PIK3AP1: variants seen among roughly 807,000 people sequenced by gnomAD.
PIK3AP1 encodes phosphoinositide-3-kinase adaptor protein 1, also known as phosphoinositide 3-kinase adapter protein 1.
PIK3AP1 carries 21 observed loss-of-function variants against 88.1 expected under a neutral mutation model. The ratio of observed to expected loss-of-function variants is 0.24; its 90% CI spans 0.17 to 0.34. PIK3AP1 has a LOEUF of 0.34. Among genes scored for constraint, PIK3AP1 ranks in the 10% least tolerant of loss-of-function variants. The pLI is 1.00. For missense variants in PIK3AP1, 828 were observed against 1,035.7 expected (o/e 0.80, Z 2.75); for synonymous variants, 398 against 400.0 (o/e 1.00, Z 0.06).
intron 2 of PIK3AP1, among the ~76,000 whole-genome samples, chr10:96,676,237 C>T (rs1481720798): frequency 2.0e-5 from 3 of 151,924 alleles, no homozygotes; most frequent in African/African-American, 7.3e-5. Flanking sequence ...AGAGACAAGA[C>T]TCTGCTATGC....
chr10:96,666,583 A>G (rs896849611), intron 2 of PIK3AP1, among the ~76,000 whole-genome samples: 1 of 152,058 alleles, frequency 6.6e-6, no homozygotes, highest in Non-Finnish European at 1.5e-5. Context: ...TGTAATAAAT[A>G]TATGTATGCA....
intron 2 of PIK3AP1, among the ~76,000 whole-genome samples, chr10:96,702,419 A>G (rs1844309093): frequency 6.6e-6 from 1 of 151,770 alleles, no homozygotes; most frequent in Non-Finnish European, 1.5e-5. Flanking sequence ...GAATCGCTTG[A>G]ACCGTGGAGG....
intron 2 of PIK3AP1, among the ~76,000 whole-genome samples, chr10:96,708,126 G>A (rs1364598604): frequency 6.6e-6 from 1 of 152,130 alleles, no homozygotes; most frequent in Non-Finnish European, 1.5e-5. Context: ...ACAAATTAAT[G>A]CCCAAGTCAC....
chr10:96,629,909 CAAAAAAAAAAA>C (rs66669261), intron 8 of PIK3AP1, among the ~76,000 whole-genome samples: 7 of 5,414 alleles, frequency 1.3e-3, no homozygotes, highest in Admixed American at 6.9e-3. Context: ...CAACAACAAC[CAAAAAAAAAAA>C]AAAAAAAAAA....
chr10:96,603,351 A>G (rs1848936934), intron 15 of PIK3AP1, among the ~76,000 whole-genome samples: 1 of 152,200 alleles, frequency 6.6e-6, no homozygotes, highest in Non-Finnish European at 1.5e-5. Context: ...CAAAGTATTG[A>G]TCCTGGGTGT....
At chr10:96,672,569 C>CT (rs36098365) in intron 2 of PIK3AP1, among the ~76,000 whole-genome samples, 5 of 152,162 alleles carry the variant, frequency 3.3e-5, no homozygotes, top group African/African-American at 7.2e-5. Flanking sequence ...CTTGTTGCTG[C>CT]TTTTTTTAAA....
chr10:96,644,532 G>A (rs778088238), intron 8 of PIK3AP1, among the ~76,000 whole-genome samples: 2 of 152,142 alleles, frequency 1.3e-5, no homozygotes, highest in Non-Finnish European at 2.9e-5. Context: ...TTTGTTTTGA[G>A]TTTAGGTGTT....
At chr10:96,677,881 G>C (rs1008404443) in intron 2 of PIK3AP1, among the ~76,000 whole-genome samples, 1 of 152,138 alleles carries the variant, frequency 6.6e-6, no homozygotes, top group Non-Finnish European at 1.5e-5. Context: ...TTTTTGCAAA[G>C]GTCTTGCCAG....
chr10:96,682,011 TATAGAGAGAGAGAG>T (rs1409346928), intron 2 of PIK3AP1, among the ~76,000 whole-genome samples: 1 of 130,880 alleles, frequency 7.6e-6, no homozygotes, highest in Non-Finnish European at 1.7e-5. Context: ...TATATATATA[TATAGAGAGAGAGAG>T]AGAGAGAGAG....
intron 8 of PIK3AP1, among the ~76,000 whole-genome samples, chr10:96,638,471 G>GACAC (rs60796576): frequency 0.35 from 51,124 of 148,054 alleles, 10,036 homozygotes; most frequent in Non-Finnish European, 0.46. Context: ...CACACACACA[G>GACAC]ACACACACAC....
At chr10:96,637,140 C>T (rs557331867) in intron 8 of PIK3AP1, among the ~76,000 whole-genome samples, 1 of 152,216 alleles carries the variant, frequency 6.6e-6, no homozygotes, top group South Asian at 2.1e-4. Context: ...AGCCTTAGAG[C>T]AAGGAGCATC....
intron 13 of PIK3AP1, among the ~76,000 whole-genome samples, chr10:96,615,368 C>T (rs201987383): frequency 6.6e-6 from 1 of 152,060 alleles, no homozygotes; most frequent in Non-Finnish European, 1.5e-5. Context: ...TCATTGGCTA[C>T]AATGGGTTAA....
rs1427290038 is a variant in PIK3AP1 at position 96,609,946 on chromosome 10, C to T, written c.2015-79G>A. The T allele has an allele frequency of 8.0e-6, 12 of 1,506,148 alleles. No individual in the cohort carries two copies. In the Admixed American group the frequency reaches 1.8e-4, roughly 22 times the overall value. The allele number at this position is 1,506,148 out of a possible 1,614,324, so 93.3% of individuals were successfully genotyped here. On this transcript the variant is annotated intron_variant, in intron 13 of 16. Transcript: ENST00000339364. The stretch of plus-strand genomic sequence containing the variant: ...CAAGCTGCTCAGCAGCTTCCCTCCA[C>T]CTGCCTCTCTCACAGGAGCCTGCAT...
rs537282118 is a variant in PIK3AP1 at position 96,701,471 on chromosome 10, T to A, written c.430+8096A>T. On this transcript the variant is annotated intron_variant, in intron 2 of 16. Transcript: ENST00000339364. ...GCTGAAACCATCTGTGCACTTGGGGTTGTGGGAGGAATAAATACATGTAAA... is the reference window on the plus strand; with the variant it reads ...GCTGAAACCATCTGTGCACTTGGGGATGTGGGAGGAATAAATACATGTAAA... 3.3e-5 allele frequency among the ~76,000 whole-genome samples: 5 copies of A among 152,214 alleles called. No homozygotes were observed. In the South Asian group the frequency reaches 1.0e-3, roughly 32 times the overall value.
At chr10:96,598,209 A>T (rs1848816158) in intron 16 of PIK3AP1, among the ~76,000 whole-genome samples, 2 of 151,802 alleles carry the variant, frequency 1.3e-5, no homozygotes, top group South Asian at 4.2e-4. Context: ...ACACCTGGCT[A>T]ATTTTTTTTG....
intron 10 of PIK3AP1, among the ~76,000 whole-genome samples, chr10:96,623,789 A>G (rs1436204043): frequency 6.6e-6 from 1 of 152,234 alleles, no homozygotes; most frequent in Non-Finnish European, 1.5e-5. Flanking sequence ...GAAAACGGTA[A>G]TGGGAAAGGA....
intron 2 of PIK3AP1, among the ~76,000 whole-genome samples, chr10:96,706,496 C>T (rs1191491795): frequency 6.6e-6 from 1 of 151,614 alleles, no homozygotes; most frequent in Non-Finnish European, 1.5e-5. Flanking sequence ...TCCTGGGAGT[C>T]AAAGCAGGTA....
intron 2 of PIK3AP1, among the ~76,000 whole-genome samples, chr10:96,706,029 G>C (rs1388338718): frequency 1.3e-5 from 2 of 151,602 alleles, no homozygotes; most frequent in South Asian, 2.1e-4. Flanking sequence ...GAGTAGCTGG[G>C]ACTACAGGCG....
chr10:96,631,384 T>G (rs1049287134), intron 8 of PIK3AP1, among the ~76,000 whole-genome samples: 4 of 152,044 alleles, frequency 2.6e-5, no homozygotes, highest in Admixed American at 6.5e-5. Flanking sequence ...TTTGAGAGAG[T>G]TGATTTGCAT....
Sources: gnomAD v4.1 joint callset for allele counts (sites outside exome capture counted in the v4.1 genomes callset) on GRCh38, gnomAD v4.1.1 for gene constraint, MANE v1.5 for transcripts, NCBI Gene and HGNC (gene_info 2026-07-23, HGNC 2026-07-21) for gene names.